Variants in FREM1 observed in about 807,000 individuals in gnomAD.
The protein encoded by FREM1 is FRAS1 related extracellular matrix 1.
Under a neutral mutation model 210.1 loss-of-function variants are expected in FREM1, and 220 were observed. The observed-to-expected ratio is 1.05, with a 90% CI of 0.94 to 1.17. FREM1 has a LOEUF of 1.17. FREM1 is among the 50% of genes most tolerant of loss of function. The probability of loss-of-function intolerance (pLI) is 0.00; values close to 1 mark genes in which losing one functional copy is unlikely to be tolerated. For missense variants in FREM1, 3,454 were observed against 2,675.5 expected (o/e 1.29, Z -6.42); for synonymous variants, 1,189 against 980.2 (o/e 1.21, Z -3.98).
At chr9:14,777,954 T>A (rs773647774) in intron 24 of FREM1, among the ~76,000 whole-genome samples, 1 of 152,176 alleles carries the variant, frequency 6.6e-6, no homozygotes, top group Non-Finnish European at 1.5e-5. Flanking sequence ...ATTATCTAGT[T>A]AATAAGACTG....
At chr9:14,864,219 C>G (rs952485493) in intron 2 of FREM1, among the ~76,000 whole-genome samples, 1 of 152,164 alleles carries the variant, frequency 6.6e-6, no homozygotes, top group African/African-American at 2.4e-5. Flanking sequence ...AACATACTTT[C>G]ATTTTTCGAA....
intron 2 of FREM1, among the ~76,000 whole-genome samples, chr9:14,866,439 A>T (rs796503082): frequency 6.6e-5 from 10 of 152,334 alleles, no homozygotes; most frequent in African/African-American, 2.4e-4. Context: ...GTAAGGAGTC[A>T]TAGGCCATTT....
intron 1 of FREM1, among the ~76,000 whole-genome samples, chr9:14,873,419 T>C (rs907826064): frequency 3.9e-5 from 6 of 152,248 alleles, no homozygotes; most frequent in Non-Finnish European, 8.8e-5. Flanking sequence ...TGTCGAGGAA[T>C]TTATCCATTT....
At chr9:14,818,107 C>G (rs999705070) in intron 14 of FREM1, among the ~76,000 whole-genome samples, 4 of 152,172 alleles carry the variant, frequency 2.6e-5, no homozygotes, top group African/African-American at 9.7e-5. Context: ...GAATGGATAC[C>G]TTGTCAGACT....
chr9:14,899,630 C>G (rs770028376), intron 1 of FREM1, among the ~76,000 whole-genome samples: 3 of 152,228 alleles, frequency 2.0e-5, no homozygotes, highest in Non-Finnish European at 2.9e-5. Flanking sequence ...AAAAGTGAAA[C>G]CAGTATGGAA....
chr9:14,879,854 C>A (rs569893485), intron 1 of FREM1, among the ~76,000 whole-genome samples: 3 of 152,166 alleles, frequency 2.0e-5, no homozygotes, highest in Admixed American at 2.0e-4. Flanking sequence ...GACAGACAAG[C>A]ATTAGGTTGT....
At chr9:14,781,691 C>G (rs2132793820) in intron 24 of FREM1, among the ~76,000 whole-genome samples, 1 of 152,232 alleles carries the variant, frequency 6.6e-6, no homozygotes, top group South Asian at 2.1e-4. Context: ...CTGGGAGGCC[C>G]TAAAAAGGCT....
intron 8 of FREM1, among the ~76,000 whole-genome samples, chr9:14,845,266 A>T (rs1423017032): frequency 1.3e-5 from 2 of 152,148 alleles, no homozygotes; most frequent in Non-Finnish European, 2.9e-5. Flanking sequence ...ACATAACATC[A>T]TTATTACTAA....
Position 14,816,671 on chromosome 9 carries a change from A to G in FREM1, c.2640+107T>C, listed in dbSNP as rs1820362512. 7.7e-6 allele frequency: 4 copies of G among 519,454 alleles called. No homozygotes were observed. The Middle Eastern group carries it at 1.2e-3, about 152-fold the overall frequency. The allele number at this position is 519,454 out of a possible 1,614,324, so 32.2% of individuals were successfully genotyped here. ...AGACTTCCCAGCCTCCAGAGTCATG[A>G]GCCAAATAAATTTCTTTTCATTATA... is the stretch of plus-strand genomic sequence containing the variant. On this transcript the variant is annotated intron_variant, in intron 15 of 36. Coordinates refer to ENST00000380880, the MANE Select transcript of FREM1 (RefSeq NM_001379081.2).
At chr9:14,889,098 T>C (rs775948245) in intron 1 of FREM1, among the ~76,000 whole-genome samples, 1 of 152,204 alleles carries the variant, frequency 6.6e-6, no homozygotes, top group South Asian at 2.1e-4. Context: ...CACTGCTACA[T>C]TGAAGTAGTT....
In FREM1 at chr9:14,830,801, G is replaced by A. The variant is rs575410904; in HGVS notation, c.1882-5809C>T. On this transcript the variant is annotated intron_variant, in intron 10 of 36. Transcript: ENST00000380880. The stretch of plus-strand genomic sequence containing the variant: ...GACCCTTGGTGTTCCTTCACTCATC[G>A]AAGCCATATCACTTTGGTGCATTGA... Among the ~76,000 whole-genome samples the A allele has an allele frequency of 2.6e-5, 4 of 152,148 alleles. No homozygotes were observed. The East Asian group carries it at 5.8e-4, about 22-fold the overall frequency.
rs542810725 is a variant in FREM1, at chr9:14,768,941, AAAAC to A, written c.5204+779_5204+782del. Among the ~76,000 whole-genome samples the A allele has an allele frequency of 2.3e-3, 352 of 152,254 alleles. 2 individuals are homozygous for A. The highest frequency in any genetic ancestry group is 7.7e-3 in the African/African-American group (320 of 41,564). On this transcript the variant is annotated intron_variant, in intron 27 of 36. Coordinates refer to ENST00000380880, the MANE Select transcript of FREM1 (RefSeq NM_001379081.2). ...CTTTGGGGTTTCTGGGAGGGTATCAAAAACAAACAAACAAAATGAACAAACAAAC... is the reference window on the plus strand; with the variant it reads ...CTTTGGGGTTTCTGGGAGGGTATCAAAAACAAACAAAATGAACAAACAAAC...
chr9:14,826,623 T>C (rs758827021), intron 10 of FREM1, among the ~76,000 whole-genome samples: 1 of 152,214 alleles, frequency 6.6e-6, no homozygotes, highest in Non-Finnish European at 1.5e-5. Flanking sequence ...ATGTTTGTGT[T>C]TTCTCTGGAA....
intron 1 of FREM1, among the ~76,000 whole-genome samples, chr9:14,872,568 A>G (rs979335318): frequency 6.6e-5 from 10 of 152,018 alleles, no homozygotes; most frequent in South Asian, 4.2e-4. Flanking sequence ...GAGATTTTGG[A>G]CTGAGACAAT....
chr9:14,742,870 C>G (rs939426505), intron 35 of FREM1, among the ~76,000 whole-genome samples: 1 of 152,020 alleles, frequency 6.6e-6, no homozygotes, highest in Admixed American at 6.6e-5. Flanking sequence ...TGATGAGAAA[C>G]CTGCTATACT....
chr9:14,773,255 A>T (rs565457310), intron 25 of FREM1, among the ~76,000 whole-genome samples: 1 of 152,314 alleles, frequency 6.6e-6, no homozygotes, highest in Admixed American at 6.5e-5. Flanking sequence ...TCAGACAGAA[A>T]AGATTTCCTA....
At chr9:14,821,472 G>A (rs1348830041) in intron 13 of FREM1, among the ~76,000 whole-genome samples, 1 of 152,140 alleles carries the variant, frequency 6.6e-6, no homozygotes. Context: ...GAAAACTTTG[G>A]CTTCTTTAGT....
chr9:14,795,360 C>A (rs10961709), intron 21 of FREM1, among the ~76,000 whole-genome samples: 14,230 of 152,174 alleles, frequency 0.094, 716 homozygotes, highest in Non-Finnish European at 0.12. Flanking sequence ...TGAACTGAGT[C>A]AATCTGACTC....
chr9:14,740,277 A>C, intron 35 of FREM1, 43 bp from the exon 36 acceptor site: 1 of 1,365,530 alleles, frequency 7.3e-7, no homozygotes, highest in South Asian at 1.2e-5. Context: ...CAAGCAGTTA[A>C]CATTTCTGCT....
Sources: gnomAD v4.1 joint callset for allele counts (sites outside exome capture counted in the v4.1 genomes callset) on GRCh38, gnomAD v4.1.1 for gene constraint, MANE v1.5 for transcripts, NCBI Gene and HGNC (gene_info 2026-07-23, HGNC 2026-07-21) for gene names.